Variants in INPP4A observed in about 807,000 individuals in gnomAD.
INPP4A encodes the protein inositol polyphosphate-4-phosphatase type I A.
In INPP4A, 33 loss-of-function variants were observed where a neutral mutation model predicts 119.8. That is an observed-to-expected ratio of 0.28 (90% CI 0.21 to 0.37). The LOEUF is 0.37. Ranked by LOEUF, INPP4A falls within the 10% of genes least tolerant of loss-of-function variation. INPP4A has a pLI of 1.00. For missense variants in INPP4A, 956 were observed against 1,289.9 expected, an observed-to-expected ratio of 0.74 and a Z score of 3.97; for synonymous variants, 496 against 500.7, an observed-to-expected ratio of 0.99 and a Z score of 0.12.
intron 4 of INPP4A, among the ~76,000 whole-genome samples, chr2:98,531,766 A>G (rs773936529): frequency 3.9e-5 from 6 of 152,226 alleles, no homozygotes; most frequent in Non-Finnish European, 8.8e-5. Context: ...GACATTTTCA[A>G]ACCTTAAAAG....
intron 1 of INPP4A, among the ~76,000 whole-genome samples, chr2:98,446,108 C>G (rs1442491652): frequency 6.6e-6 from 1 of 152,224 alleles, no homozygotes; most frequent in Non-Finnish European, 1.5e-5. Flanking sequence ...CGGTGTGAAT[C>G]ATGGTTCTGC....
At chr2:98,450,734 C>G (rs1018799846) in intron 1 of INPP4A, among the ~76,000 whole-genome samples, 1 of 152,132 alleles carries the variant, frequency 6.6e-6, no homozygotes, top group Admixed American at 6.5e-5. Flanking sequence ...TTAGATCAGC[C>G]TTTCCTCTGT....
chr2:98,451,952 C>T (rs1695307646), intron 1 of INPP4A, among the ~76,000 whole-genome samples: 1 of 152,162 alleles, frequency 6.6e-6, no homozygotes, highest in African/African-American at 2.4e-5. Flanking sequence ...CATTTATTAT[C>T]TCAGAGAACT....
chr2:98,499,844 G>A (rs1367401332), intron 1 of INPP4A, among the ~76,000 whole-genome samples: 1 of 152,198 alleles, frequency 6.6e-6, no homozygotes, highest in Non-Finnish European at 1.5e-5. Flanking sequence ...TAAGTTTCTT[G>A]GCTAGATTGA....
chr2:98,452,080 G>T (rs977239639), intron 1 of INPP4A, among the ~76,000 whole-genome samples: 1 of 152,206 alleles, frequency 6.6e-6, no homozygotes, highest in African/African-American at 2.4e-5. Context: ...TGAGATGGTC[G>T]TTGGGGGCAG....
At chr2:98,560,495 T>C (rs543480907) in intron 17 of INPP4A, among the ~76,000 whole-genome samples, 30 of 152,298 alleles carry the variant, frequency 2.0e-4, no homozygotes, top group African/African-American at 7.2e-4. Flanking sequence ...GCTAATCTGA[T>C]TGGACACCTC....
intron 17 of INPP4A, 83 bp downstream of exon 17, chr2:98,559,578 T>C: frequency 7.1e-7 from 1 of 1,410,256 alleles, no homozygotes; most frequent in South Asian, 1.2e-5. Context: ...TTACAAAAGA[T>C]TGCCTTATGA....
intron 1 of INPP4A, among the ~76,000 whole-genome samples, chr2:98,500,575 C>A (rs1212630341): frequency 6.6e-6 from 1 of 152,100 alleles, no homozygotes; most frequent in Non-Finnish European, 1.5e-5. Flanking sequence ...GCTCAACTCC[C>A]AATACAGCAC....
chr2:98,585,543 C>A (rs1237287240), intron 24 of INPP4A, among the ~76,000 whole-genome samples: 1 of 152,242 alleles, frequency 6.6e-6, no homozygotes, highest in Non-Finnish European at 1.5e-5. Flanking sequence ...AGCAGCTTGG[C>A]CTCTGCAGCA....
chr2:98,555,493 T>A (rs1250046622), intron 15 of INPP4A, 60 bp from the exon 16 acceptor site: 2 of 1,536,188 alleles, frequency 1.3e-6, no homozygotes, highest in Non-Finnish European at 1.8e-6. Context: ...ATTTGGTTTG[T>A]GTTATGTTTG....
At chr2:98,527,768 C>T (rs1400285240) in intron 4 of INPP4A, among the ~76,000 whole-genome samples, 9 of 152,154 alleles carry the variant, frequency 5.9e-5, no homozygotes, top group Non-Finnish European at 5.9e-5. Context: ...AATATCTGTC[C>T]AACCATTATC....
In INPP4A at chr2:98,444,871, G is replaced by A. The variant is rs894451324; in HGVS notation, c.-380G>A. 1 of 152,134 alleles carries A rather than the reference G, an allele frequency of 6.6e-6. No individual in the cohort carries two copies. The highest frequency in any genetic ancestry group is 1.5e-5 in the Non-Finnish European group (1 of 68,240). The allele number at this position is 152,134 out of a possible 1,614,324, so 9.4% of individuals were successfully genotyped here. A position where few individuals can be genotyped will look rare whatever the true frequency, so the allele number is the denominator to read the frequency against. On this transcript the variant is annotated 5_prime_UTR_variant, in exon 1 of 25. Coordinates refer to ENST00000409851, the MANE Select transcript of INPP4A (RefSeq NM_001134225.2). ...GCTGCGCCCGGCGTCTAGAGCGGCGGCGGCTGGCTAGGGCTGCGGCGCGCG... is the reference window on the plus strand; with the variant it reads ...GCTGCGCCCGGCGTCTAGAGCGGCGACGGCTGGCTAGGGCTGCGGCGCGCG...
At chr2:98,485,977 G>T (rs1049421897) in intron 1 of INPP4A, among the ~76,000 whole-genome samples, 1 of 152,196 alleles carries the variant, frequency 6.6e-6, no homozygotes, top group African/African-American at 2.4e-5. Flanking sequence ...GCCTCCAGAT[G>T]AAAAGGTTAA....
chr2:98,547,801 T>C (rs1692736677), intron 13 of INPP4A, among the ~76,000 whole-genome samples: 1 of 151,272 alleles, frequency 6.6e-6, no homozygotes, highest in Non-Finnish European at 1.5e-5. Flanking sequence ...TGCAGAGAGA[T>C]GTTTGAGGTG....
chr2:98,500,016 G>A (rs1230482205), intron 1 of INPP4A, among the ~76,000 whole-genome samples: 1 of 152,120 alleles, frequency 6.6e-6, no homozygotes, highest in African/African-American at 2.4e-5. Context: ...AATTCCGGGG[G>A]AAACCTTCCC....
intron 23 of INPP4A, among the ~76,000 whole-genome samples, chr2:98,574,929 A>G (rs1698163892): frequency 6.6e-6 from 1 of 152,156 alleles, no homozygotes; most frequent in African/African-American, 2.4e-5. Context: ...TCTCAGGGTA[A>G]CAAGCATGAG....
intron 10 of INPP4A, 39 bp from the exon 11 acceptor site, chr2:98,543,838 G>A (rs1409398931): frequency 6.2e-7 from 1 of 1,610,828 alleles, no homozygotes; most frequent in African/African-American, 1.3e-5. Flanking sequence ...GGGGAAACCA[G>A]TTAGCCCACA....
At chr2:98,478,157 A>T (rs1236157110) in intron 1 of INPP4A, among the ~76,000 whole-genome samples, 2 of 152,164 alleles carry the variant, frequency 1.3e-5, no homozygotes, top group African/African-American at 4.8e-5. Context: ...GTTTAAAGCT[A>T]AAATAGAGCG....
chr2:98,483,861 T>C (rs527482675), intron 1 of INPP4A, among the ~76,000 whole-genome samples: 1 of 152,244 alleles, frequency 6.6e-6, no homozygotes, highest in Non-Finnish European at 1.5e-5. Flanking sequence ...GTAGTCAGTC[T>C]AGTGAAGTCC....
Sources: allele counts gnomAD v4.1 joint callset (sites outside exome capture counted in the v4.1 genomes callset), GRCh38; gene constraint gnomAD v4.1.1; transcripts MANE v1.5; gene names NCBI Gene and HGNC (gene_info 2026-07-23, HGNC 2026-07-21).